TNRC6C: variants seen among roughly 807,000 people sequenced by gnomAD.
The protein encoded by TNRC6C is trinucleotide repeat-containing gene 6C protein.
A neutral mutation model predicts 153.7 loss-of-function variants in TNRC6C; 20 were observed. The observed-to-expected ratio is 0.13, with a 90% CI of 0.09 to 0.19. The LOEUF is 0.19. Among genes scored for constraint, TNRC6C ranks in the 10% least tolerant of loss-of-function variants. The pLI is 1.00. For synonymous variants in TNRC6C, 811 were observed against 841.4 expected, an observed-to-expected ratio of 0.96 and a Z score of 0.63; for missense variants, 1,987 against 2,172.0, an observed-to-expected ratio of 0.91 and a Z score of 1.69.
chr17:78,036,180 G>A (rs1004696505), intron 2 of TNRC6C, among the ~76,000 whole-genome samples: 18 of 152,278 alleles, frequency 1.2e-4, no homozygotes, highest in African/African-American at 4.3e-4. Flanking sequence ...CTTCGCACAC[G>A]AATTTCTGTG....
At chr17:78,106,299 T>A (rs981510678) in exon 20 of TNRC6C, 1 of 150,582 alleles carries the variant, frequency 6.6e-6, no homozygotes, top group African/African-American at 2.4e-5. Flanking sequence ...ATTTTCAGAA[T>A]GCAGATGCGT....
intron 1 of TNRC6C, among the ~76,000 whole-genome samples, chr17:78,016,720 A>G (rs1337840855): frequency 6.6e-6 from 1 of 152,072 alleles, no homozygotes; most frequent in Admixed American, 6.6e-5. Flanking sequence ...ATGATTATTT[A>G]ACTTCTGTGG....
At chr17:78,072,066 C>T (rs772354536) in intron 6 of TNRC6C, among the ~76,000 whole-genome samples, 22 of 152,126 alleles carry the variant, frequency 1.4e-4, no homozygotes, top group African/African-American at 3.4e-4. Flanking sequence ...TTTCAGTTAC[C>T]GTAGATGCTT....
At chr17:77,959,988 T>C in intron 1 of TNRC6C, among the ~76,000 whole-genome samples, 1 of 152,156 alleles carries the variant, frequency 6.6e-6, no homozygotes, top group East Asian at 1.9e-4. Flanking sequence ...AAGAAATAAC[T>C]GGCAAGCATG....
intron 1 of TNRC6C, among the ~76,000 whole-genome samples, chr17:78,029,375 A>T (rs1039184011): frequency 6.6e-6 from 1 of 152,272 alleles, no homozygotes; most frequent in Non-Finnish European, 1.5e-5. Flanking sequence ...CCTCTACAGC[A>T]TGTTACTATA....
intron 1 of TNRC6C, among the ~76,000 whole-genome samples, chr17:77,984,469 G>T (rs1388846169): frequency 1.3e-5 from 2 of 152,114 alleles, no homozygotes; most frequent in African/African-American, 4.8e-5. Context: ...AGTGAGCTGT[G>T]GTTGCACCAC....
intron 6 of TNRC6C, among the ~76,000 whole-genome samples, chr17:78,071,387 A>G (rs2072993121): frequency 6.6e-6 from 1 of 152,148 alleles, no homozygotes; most frequent in Non-Finnish European, 1.5e-5. Context: ...TTTCTATCAA[A>G]AAGGGTGTGA....
rs1598744841 is a variant in TNRC6C, at chr17:78,060,612, A to G, written c.2396-4110A>G. On this transcript the variant is annotated intron_variant, in intron 3 of 19. Transcript: ENST00000301624. ...CTCAGCCTCCTGAGTAGTGGGTACT[A>G]CTACAGGTGTGTGCCACCATGTTGG... Among the ~76,000 whole-genome samples the G allele has an allele frequency of 2.6e-5, 4 of 151,646 alleles. No individual in the cohort carries two copies. The East Asian group carries it at 7.8e-4, about 30-fold the overall frequency.
chr17:78,019,291 A>G (rs1425404876), intron 1 of TNRC6C, among the ~76,000 whole-genome samples: 1 of 152,226 alleles, frequency 6.6e-6, no homozygotes, highest in Non-Finnish European at 1.5e-5. Flanking sequence ...CTGTCTTGGT[A>G]TCTTAGAGAT....
At chr17:78,064,923 C>A in exon 4 of TNRC6C, 1 of 1,609,956 alleles carries the variant, frequency 6.2e-7, no homozygotes, top group Non-Finnish European at 8.5e-7. Context: ...GCTGCCTCAG[C>A]CCTGTGCAAA....
intron 1 of TNRC6C, among the ~76,000 whole-genome samples, chr17:77,963,900 C>G (rs1218988220): frequency 6.6e-6 from 1 of 152,136 alleles, no homozygotes; most frequent in African/African-American, 2.4e-5. Context: ...AATGTTTGCT[C>G]TAGGAAATAA....
At chr17:78,051,841 GATGACTGTGTCAGTTCACTGAC>G (rs1429075199) in intron 3 of TNRC6C, among the ~76,000 whole-genome samples, 1 of 152,228 alleles carries the variant, frequency 6.6e-6, no homozygotes, top group African/African-American at 2.4e-5. Flanking sequence ...CAAGTTGGCA[GATGACTGTGTCAGTTCACTGAC>G]ATGCCCATGA....
chr17:77,999,833 C>G (rs981711726), upstream of TNRC6C, among the ~76,000 whole-genome samples: 1 of 152,154 alleles, frequency 6.6e-6, no homozygotes, highest in Admixed American at 6.5e-5. Context: ...TTCTTCAAAG[C>G]CAGCAGGGAA....
chr17:77,958,697 C>T (rs1464692719), upstream of TNRC6C, among the ~76,000 whole-genome samples: 1 of 151,836 alleles, frequency 6.6e-6, no homozygotes, highest in East Asian at 1.9e-4. Flanking sequence ...GAGGGGGGTT[C>T]TTGTCAGTTA....
intron 13 of TNRC6C, among the ~76,000 whole-genome samples, chr17:78,087,900 A>G (rs546626240): frequency 2.0e-5 from 3 of 152,364 alleles, no homozygotes; most frequent in African/African-American, 7.2e-5. Context: ...ACCAGAGGGT[A>G]TAAATTAGTA....
chr17:78,087,088 C>G (rs780312107), exon 13 of TNRC6C: 9 of 1,613,188 alleles, frequency 5.6e-6, no homozygotes, highest in Admixed American at 1.7e-5. Context: ...GCTCCTTACC[C>G]TCTCGGTGAG....
chr17:78,022,509 C>T (rs1394879472), intron 1 of TNRC6C, among the ~76,000 whole-genome samples: 2 of 152,214 alleles, frequency 1.3e-5, no homozygotes, highest in East Asian at 3.9e-4. Context: ...AGATTAACAG[C>T]AGCATGGTGG....
At chr17:78,050,179 C>T in exon 3 of TNRC6C, 2 of 1,557,766 alleles carry the variant, frequency 1.3e-6, no homozygotes, top group African/African-American at 1.4e-5. Flanking sequence ...CAGCCAGAAC[C>T]CTACCGTACA....
intron 1 of TNRC6C, among the ~76,000 whole-genome samples, chr17:78,028,108 C>T (rs1159040149): frequency 1.3e-5 from 2 of 152,080 alleles, no homozygotes; most frequent in African/African-American, 2.4e-5. Context: ...CCGTGTTAGT[C>T]AGGATGGTCT....
Sources: gnomAD v4.1 joint callset for allele counts (sites outside exome capture counted in the v4.1 genomes callset) on GRCh38, gnomAD v4.1.1 for gene constraint, MANE v1.5 for transcripts, NCBI Gene and HGNC (gene_info 2026-07-23, HGNC 2026-07-21) for gene names.